CCDC171: variants seen among roughly 807,000 people sequenced by gnomAD.
The protein encoded by CCDC171 is coiled-coil domain-containing protein 171.
CCDC171 carries 177 observed loss-of-function variants against 168.2 expected under a neutral mutation model. The ratio of observed to expected loss-of-function variants is 1.05; its 90% CI spans 0.93 to 1.19. CCDC171 has a LOEUF of 1.19. Ranked by LOEUF, CCDC171 falls within the 50% of genes most tolerant of loss-of-function variation. The pLI, the probability that CCDC171 is intolerant of heterozygous loss-of-function variation, is 0.00. For synonymous variants in CCDC171, 687 were observed against 540.8 expected (o/e 1.27, Z -3.75); for missense variants, 1,991 against 1,539.0 (o/e 1.29, Z -4.91).
At chr9:15,884,674 T>C (rs1819153821) in intron 24 of CCDC171, among the ~76,000 whole-genome samples, 1 of 152,178 alleles carries the variant, frequency 6.6e-6, no homozygotes, top group African/African-American at 2.4e-5. Flanking sequence ...ACCACCTCGG[T>C]AAGTCACTCA....
In CCDC171 at chr9:15,831,007, C is replaced by T. The variant is rs148592502; in HGVS notation, c.3268-15695C>T. Among the ~76,000 whole-genome samples, 253 of 132,202 alleles carry T rather than the reference C, an allele frequency of 1.9e-3. 2 individuals are homozygous for T. Among genetic ancestry groups the T allele is most frequent in the African/African-American group, 6.5e-3 (236 of 36,302 alleles). 86.7% of individuals were successfully genotyped at this position (132,202 alleles called of 152,430 possible). A position where few individuals can be genotyped will look rare whatever the true frequency, so the allele number is the denominator to read the frequency against. On this transcript the variant is annotated intron_variant, in intron 21 of 25. Coordinates refer to ENST00000380701, the MANE Select transcript of CCDC171 (RefSeq NM_173550.4). ...TTTTTTGAGATGGATTCTCGCTCTG[C>T]CGCCCAGGCTGGAGCGCAGTGGCAC...
chr9:16,103,371 T>G, the CCDC171 span, among the ~76,000 whole-genome samples: 1 of 152,184 alleles, frequency 6.6e-6, no homozygotes, highest in Non-Finnish European at 1.5e-5. Context: ...TGACCTTCAT[T>G]GAACCACTTA....
intron 21 of CCDC171, among the ~76,000 whole-genome samples, chr9:15,797,825 G>C (rs1011974331): frequency 2.0e-5 from 3 of 152,144 alleles, no homozygotes; most frequent in Non-Finnish European, 4.4e-5. Flanking sequence ...ACATGGTGTG[G>C]TGTAAGGGTT....
intron 1 of CCDC171, chr9:15,553,687 C>T (rs1345234415): frequency 6.6e-6 from 1 of 152,216 alleles, no homozygotes; most frequent in Non-Finnish European, 1.5e-5. Context: ...AGACACTCTA[C>T]AGATGTTTGA....
intron 1 of CCDC171, among the ~76,000 whole-genome samples, chr9:16,048,189 T>C (rs1264944924): frequency 1.3e-5 from 2 of 152,258 alleles, no homozygotes; most frequent in African/African-American, 2.4e-5. Flanking sequence ...TTGAGCTTCC[T>C]TTGGAGCAAA....
intron 7 of CCDC171, among the ~76,000 whole-genome samples, chr9:15,648,644 C>T (rs1403440090): frequency 1.3e-5 from 2 of 152,170 alleles, no homozygotes; most frequent in East Asian, 1.9e-4. Context: ...AACTCCCATT[C>T]ACAGTTGCTA....
chr9:15,695,908 T>G (rs777031800), intron 11 of CCDC171, among the ~76,000 whole-genome samples: 12 of 152,218 alleles, frequency 7.9e-5, no homozygotes, highest in Non-Finnish European at 1.3e-4. Flanking sequence ...TATATATTAA[T>G]TAGGTAGACA....
chr9:15,833,140 A>G lies in CCDC171; in HGVS notation c.3268-13562A>G, dbSNP rs147349179. On this transcript the variant is annotated intron_variant, in intron 21 of 25. Coordinates refer to ENST00000380701, the MANE Select transcript of CCDC171 (RefSeq NM_173550.4). Reference sequence around the variant, plus strand: ...GTAGCTGGGATTACAGGCACACACCATCATGTCTGGCTAATTGTTTTTGTA... The same window carrying G: ...GTAGCTGGGATTACAGGCACACACCGTCATGTCTGGCTAATTGTTTTTGTA... Among the ~76,000 whole-genome samples, 61 of 152,138 alleles carry G rather than the reference A, an allele frequency of 4.0e-4. No individual in the cohort carries two copies. The Middle Eastern group carries it at 0.01, about 25-fold the overall frequency.
chr9:15,846,896 A>C (rs370597536), intron 22 of CCDC171, 49 bp downstream of exon 22: 7 of 1,519,512 alleles, frequency 4.6e-6, no homozygotes, highest in Non-Finnish European at 6.3e-6. Flanking sequence ...CAAAAGATCA[A>C]TTCTTACTTT....
chr9:15,624,687 C>G (rs1338979832), intron 7 of CCDC171, among the ~76,000 whole-genome samples: 2 of 152,094 alleles, frequency 1.3e-5, no homozygotes, highest in South Asian at 2.1e-4. Flanking sequence ...GTATATGTGC[C>G]ACATTTTCTT....
At chr9:15,615,711 A>G (rs1027486403) in intron 6 of CCDC171, among the ~76,000 whole-genome samples, 2 of 151,960 alleles carry the variant, frequency 1.3e-5, no homozygotes, top group Non-Finnish European at 1.5e-5. Flanking sequence ...GTTTATTGCA[A>G]TGGGATTTAA....
At chr9:16,105,268 G>A in the CCDC171 span, among the ~76,000 whole-genome samples, 23 of 152,170 alleles carry the variant, frequency 1.5e-4, no homozygotes, top group African/African-American at 4.8e-4. Flanking sequence ...ATCTGAGGGC[G>A]GGAGAAGTGT....
the CCDC171 span, among the ~76,000 whole-genome samples, chr9:16,078,688 CATTA>C: frequency 2.0e-5 from 3 of 152,154 alleles, no homozygotes; most frequent in Non-Finnish European, 4.4e-5. Context: ...ATAGCACCAC[CATTA>C]ATTAATTACA....
intron 6 of CCDC171, among the ~76,000 whole-genome samples, chr9:15,612,961 C>T (rs1007870181): frequency 6.6e-6 from 1 of 152,124 alleles, no homozygotes; most frequent in Non-Finnish European, 1.5e-5. Context: ...GTGGGTGGTC[C>T]TAGGCTCTGT....
intron 21 of CCDC171, among the ~76,000 whole-genome samples, chr9:15,812,228 A>G (rs1045413747): frequency 1.3e-5 from 2 of 152,214 alleles, no homozygotes; most frequent in Non-Finnish European, 2.9e-5. Context: ...TAGCTTTCTT[A>G]TTCAAACCTG....
intron 24 of CCDC171, among the ~76,000 whole-genome samples, chr9:15,917,828 T>G (rs1824740439): frequency 6.6e-6 from 1 of 151,768 alleles, no homozygotes; most frequent in African/African-American, 2.4e-5. Context: ...GAAGGGAACT[T>G]TCTTACCATT....
chr9:15,686,031 C>G (rs1279109354), intron 10 of CCDC171, among the ~76,000 whole-genome samples: 1 of 151,996 alleles, frequency 6.6e-6, no homozygotes, highest in Non-Finnish European at 1.5e-5. Context: ...TAATTTTGAT[C>G]TCATATTGTA....
At chr9:16,028,540 A>G (rs1430180767) in intron 6 of CCDC171, among the ~76,000 whole-genome samples, 1 of 152,246 alleles carries the variant, frequency 6.6e-6, no homozygotes, top group Non-Finnish European at 1.5e-5. Context: ...TTTATCTGAA[A>G]TAAAAACTTA....
the CCDC171 span, among the ~76,000 whole-genome samples, chr9:16,073,769 C>T: frequency 5.3e-5 from 8 of 152,290 alleles, no homozygotes; most frequent in African/African-American, 1.2e-4. Flanking sequence ...GTTCTCTTCA[C>T]CTCCATGCTC....
Sources: allele counts gnomAD v4.1 joint callset (sites outside exome capture counted in the v4.1 genomes callset), GRCh38; gene constraint gnomAD v4.1.1; transcripts MANE v1.5; gene names NCBI Gene and HGNC (gene_info 2026-07-23, HGNC 2026-07-21).